CHRM5: variants seen among roughly 807,000 people sequenced by gnomAD.
CHRM5 encodes the protein cholinergic receptor muscarinic 5, also known as muscarinic acetylcholine receptor M5.
CHRM5 carries 18 observed loss-of-function variants against 39.0 expected under a neutral mutation model. That is an observed-to-expected ratio of 0.46 (90% CI 0.32 to 0.68). CHRM5 has a LOEUF of 0.68. CHRM5 is among the 30% of genes least tolerant of loss of function. The probability of loss-of-function intolerance (pLI) is 0.04; values close to 1 mark genes in which losing one functional copy is unlikely to be tolerated. For synonymous variants in CHRM5, 241 were observed against 246.3 expected, an observed-to-expected ratio of 0.98 and a Z score of 0.20; for missense variants, 515 against 651.1, an observed-to-expected ratio of 0.79 and a Z score of 2.28.
intron 1 of CHRM5, among the ~76,000 whole-genome samples, chr15:33,996,606 T>G (rs924225571): frequency 6.6e-6 from 1 of 152,156 alleles, no homozygotes; most frequent in African/African-American, 2.4e-5. Flanking sequence ...GACCTGCAGC[T>G]GAGGGACCTG....
intron 1 of CHRM5, among the ~76,000 whole-genome samples, chr15:34,010,307 C>T (rs1897581969): frequency 6.6e-6 from 1 of 152,114 alleles, no homozygotes; most frequent in South Asian, 2.1e-4. Flanking sequence ...ATTAAATATC[C>T]TACCTTTTCT....
At chr15:33,972,041 T>C (rs967668540) in intron 1 of CHRM5, 10 of 152,192 alleles carry the variant, frequency 6.6e-5, no homozygotes, top group Non-Finnish European at 5.9e-5. Context: ...ACTAAAGAGA[T>C]GCATGACAGG....
At chr15:34,037,552 TTA>T (rs911963365) in intron 1 of CHRM5, among the ~76,000 whole-genome samples, 1 of 148,788 alleles carries the variant, frequency 6.7e-6, no homozygotes, top group Non-Finnish European at 1.5e-5. Flanking sequence ...TACATATATA[TTA>T]TATATATATA....
intron 1 of CHRM5, among the ~76,000 whole-genome samples, chr15:34,015,170 A>G (rs1441705496): frequency 6.6e-6 from 1 of 152,196 alleles, no homozygotes; most frequent in Non-Finnish European, 1.5e-5. Flanking sequence ...AAAGATAACA[A>G]AGGAGCACTT....
rs566412514 is a variant in CHRM5 at position 34,002,295 on chromosome 15, C to T, written c.-408+33145C>T. ...GTCAGCATCCCAGGGATCTGTCACG[C>T]TGCCCCTTTATAAGCACATCCGCCT... On this transcript the variant is annotated intron_variant, in intron 1 of 2. Coordinates refer to ENST00000383263, the MANE Select transcript of CHRM5 (RefSeq NM_012125.4). Among the ~76,000 whole-genome samples the T allele has an allele frequency of 2.2e-4, 33 of 152,296 alleles. No individual in the cohort carries two copies. The South Asian group carries it at 5.0e-3, about 23-fold the overall frequency.
chr15:34,047,672 A>G (rs1310145818), intron 2 of CHRM5, among the ~76,000 whole-genome samples: 1 of 152,218 alleles, frequency 6.6e-6, no homozygotes, highest in African/African-American at 2.4e-5. Context: ...GAATCGAAAC[A>G]GTCCAGACAA....
At chr15:33,970,825 T>C (rs558402659) in intron 1 of CHRM5, among the ~76,000 whole-genome samples, 1 of 152,088 alleles carries the variant, frequency 6.6e-6, no homozygotes, top group Admixed American at 6.6e-5. Flanking sequence ...TCCCACTAAT[T>C]TGGGGGCTTT....
intron 1 of CHRM5, among the ~76,000 whole-genome samples, chr15:33,981,581 T>G (rs1286677090): frequency 1.3e-5 from 2 of 152,206 alleles, no homozygotes; most frequent in Admixed American, 1.3e-4. Flanking sequence ...TACTGCTGCA[T>G]AGCCAACTGT....
chr15:34,052,028 G>A (rs1356470004), intron 2 of CHRM5, among the ~76,000 whole-genome samples: 1 of 152,042 alleles, frequency 6.6e-6, no homozygotes, highest in African/African-American at 2.4e-5. Context: ...CCAAAGCCTG[G>A]CAGAGATACA....
chr15:34,021,018 A>G (rs1400462258), intron 1 of CHRM5, among the ~76,000 whole-genome samples: 1 of 152,164 alleles, frequency 6.6e-6, no homozygotes, highest in Non-Finnish European at 1.5e-5. Flanking sequence ...TATACACTTT[A>G]CCTGACAGAA....
Position 34,064,112 on chromosome 15 carries a change from T to C in CHRM5, c.1395T>C (p.Ser465=), listed in dbSNP as rs143894075. The part of the protein sequence containing the change: ...WTPYNIMVLV[S]TFCDKCVPVT... Reference sequence around the variant, plus strand: ...CGTATAACATCATGGTCCTGGTTTCTACCTTCTGTGACAAGTGTGTCCCAG... The same window carrying C: ...CGTATAACATCATGGTCCTGGTTTCCACCTTCTGTGACAAGTGTGTCCCAG... Residue 465 remains serine, a synonymous_variant, in exon 3 of 3, where the codon TCT becomes TCC. Coordinates refer to ENST00000383263, the MANE Select transcript of CHRM5 (RefSeq NM_012125.4). The C allele has an allele frequency of 9.3e-6, 15 of 1,614,102 alleles. No individual in the cohort carries two copies. Among genetic ancestry groups the C allele is most frequent in the African/African-American group, 1.3e-5 (1 of 74,950 alleles).
At chr15:34,038,829 C>T in intron 1 of CHRM5, 1 of 1,189,972 alleles carries the variant, frequency 8.4e-7, no homozygotes, top group Non-Finnish European at 1.0e-6. Flanking sequence ...GCGGCTGCCT[C>T]GCGGGGCGCC....
intron 1 of CHRM5, among the ~76,000 whole-genome samples, chr15:33,985,978 C>T (rs1896431982): frequency 6.6e-6 from 1 of 152,194 alleles, no homozygotes; most frequent in African/African-American, 2.4e-5. Flanking sequence ...ATCTAACTCA[C>T]ATAGCATTCC....
At chr15:33,973,311 T>TAGC (rs1156547883) in intron 1 of CHRM5, among the ~76,000 whole-genome samples, 1 of 152,224 alleles carries the variant, frequency 6.6e-6, no homozygotes, top group African/African-American at 2.4e-5. Context: ...TTTATAGAAT[T>TAGC]TTTTGGTACA....
chr15:34,020,333 G>C (rs1299318034), intron 1 of CHRM5, among the ~76,000 whole-genome samples: 1 of 151,774 alleles, frequency 6.6e-6, no homozygotes, highest in African/African-American at 2.4e-5. Flanking sequence ...AAAAAAAATA[G>C]AGGTTTTAAA....
intron 1 of CHRM5, among the ~76,000 whole-genome samples, chr15:33,996,230 T>C (rs79843909): frequency 2.0e-5 from 3 of 152,220 alleles, no homozygotes; most frequent in Admixed American, 1.3e-4. Context: ...GCTGCCTCTG[T>C]AGACCCCACC....
Position 34,062,958 on chromosome 15 carries a change from A to G in CHRM5, c.241A>G (p.Ile81Val). ...SLACADLIIG[I>V]FSMNLYTTYI... Reference sequence around the variant, plus strand: ...AGCCTGTGCAGATCTCATCATTGGAATCTTCTCCATGAACCTCTACACCAC... The same window carrying G: ...AGCCTGTGCAGATCTCATCATTGGAGTCTTCTCCATGAACCTCTACACCAC... The change falls in exon 3 of 3, where the codon ATC becomes GTC. Residue 81 changes from isoleucine (I) to valine (V), a missense_variant. By Grantham distance (29) the Ile-to-Val change is conservative. Transcript: ENST00000383263. 6.2e-7 allele frequency: 1 copy of G among 1,613,830 alleles called. No homozygotes were observed. The highest frequency in any genetic ancestry group is 8.5e-7 in the Non-Finnish European group (1 of 1,179,940).
Position 34,063,148 on chromosome 15 carries a change from C to T in CHRM5, c.431C>T (p.Pro144Leu), listed in dbSNP as rs146231539. The change falls in exon 3 of 3, where the codon CCG becomes CTG. Residue 144 changes from proline to leucine, a missense_variant. Transcript: ENST00000383263. The surrounding 1 kb of genome is among the most constrained non-coding windows in gnomAD (Gnocchi z 4.1). ...TTGACATATCGGGCCAAGCGTACTCCGAAAAGGGCTGGCATCATGATTGGC... is the reference window on the plus strand; with the variant it reads ...TTGACATATCGGGCCAAGCGTACTCTGAAAAGGGCTGGCATCATGATTGGC... ...RPLTYRAKRT[P>L]KRAGIMIGLA... 8.7e-6 allele frequency: 14 copies of T among 1,614,150 alleles called. No individual in the cohort carries two copies. The highest frequency in any genetic ancestry group is 6.7e-5 in the Admixed American group (4 of 60,024).
chr15:34,043,163 C>T (rs1899547509), intron 1 of CHRM5, among the ~76,000 whole-genome samples: 1 of 151,176 alleles, frequency 6.6e-6, no homozygotes, highest in Non-Finnish European at 1.5e-5. Context: ...AGGAGAATGG[C>T]GTGAACCTGG....
Sources: allele counts gnomAD v4.1 joint callset (sites outside exome capture counted in the v4.1 genomes callset), GRCh38; gene constraint gnomAD v4.1.1; non-coding constraint Gnocchi (gnomAD v3.1); transcripts MANE v1.5; gene names NCBI Gene and HGNC (gene_info 2026-07-23, HGNC 2026-07-21).